The following PARP6 variants were observed in gnomAD, a reference collection of about 807,000 sequenced individuals.
The protein encoded by PARP6 is poly(ADP-ribose) polymerase family member 6.
A neutral mutation model predicts 92.0 loss-of-function variants in PARP6; 27 were observed. The ratio of observed to expected loss-of-function variants is 0.29; its 90% CI spans 0.22 to 0.40. The LOEUF (loss-of-function observed/expected upper bound fraction) is 0.40, where lower values mean the gene tolerates loss of function less well. Among genes scored for constraint, PARP6 ranks in the 10% least tolerant of loss-of-function variants. PARP6 has a pLI of 1.00. For missense variants in PARP6, 501 were observed against 784.5 expected, an observed-to-expected ratio of 0.64 and a Z score of 4.32; for synonymous variants, 272 against 281.2, an observed-to-expected ratio of 0.97 and a Z score of 0.33.
intron 15 of PARP6, 129 bp downstream of exon 15, chr15:72,254,325 AG>A: frequency 1.5e-6 from 1 of 653,884 alleles, no homozygotes; most frequent in South Asian, 1.9e-5. Context: ...AAGGTTAAAG[AG>A]GAAAGACTAA....
chr15:72,248,325 C>CT (rs144456441), intron 20 of PARP6, among the ~76,000 whole-genome samples: 6,154 of 151,130 alleles, frequency 0.041, 216 homozygotes, highest in Admixed American at 0.096. Flanking sequence ...TTTTAGGCCT[C>CT]TGATTCTGGC....
intron 20 of PARP6, chr15:72,243,770 C>A (rs1468443819): frequency 6.6e-6 from 1 of 152,196 alleles, no homozygotes; most frequent in Non-Finnish European, 1.5e-5. Context: ...GACACACGTG[C>A]CTGTGTGTGT....
At chr15:72,261,108 C>G (rs2085826861) in intron 9 of PARP6, among the ~76,000 whole-genome samples, 1 of 152,184 alleles carries the variant, frequency 6.6e-6, no homozygotes, top group Non-Finnish European at 1.5e-5. Flanking sequence ...AACAATGATT[C>G]CTGGGAAGCT....
At chr15:72,257,934 AG>A in intron 12 of PARP6, 102 bp downstream of exon 12, 5 of 827,550 alleles carry the variant, frequency 6.0e-6, no homozygotes, top group Non-Finnish European at 1.1e-5. Context: ...CAGGGTGTAC[AG>A]ACAGAATTTT....
At chr15:72,249,139 C>A in intron 20 of PARP6, 106 bp downstream of exon 20, 1 of 590,400 alleles carries the variant, frequency 1.7e-6, no homozygotes. Flanking sequence ...AGAGAGCTGA[C>A]ACAGACCAAG....
At chr15:72,259,707 G>A (rs754586257) in intron 10 of PARP6, 46 bp from the exon 11 acceptor site, 17 of 1,570,740 alleles carry the variant, frequency 1.1e-5, no homozygotes, top group Non-Finnish European at 1.8e-6. Context: ...CTATGAAGCT[G>A]GGGCCTAGAC....
intron 7 of PARP6, 77 bp downstream of exon 7, chr15:72,265,004 T>C: frequency 2.1e-6 from 2 of 956,158 alleles, no homozygotes; most frequent in South Asian, 2.7e-5. Flanking sequence ...TCCTAATTTT[T>C]TTCTACCTCA....
chr15:72,255,865 C>T (rs983529781), intron 14 of PARP6, among the ~76,000 whole-genome samples: 6 of 131,752 alleles, frequency 4.6e-5, no homozygotes, highest in African/African-American at 1.1e-4. Context: ...AGTACAATCT[C>T]GGCTCACTGC....
At chr15:72,262,830 C>A (rs554232605) in intron 8 of PARP6, among the ~76,000 whole-genome samples, 1 of 152,280 alleles carries the variant, frequency 6.6e-6, no homozygotes, top group Non-Finnish European at 1.5e-5. Flanking sequence ...TCTTCCTCTG[C>A]CTACCCTGCT....
Position 72,264,567 on chromosome 15 carries a change from A to C in PARP6, c.383T>G (p.Leu128Arg), listed in dbSNP as rs1176897271. 6.2e-7 allele frequency: 1 copy of C among 1,613,642 alleles called. No individual in the cohort carries two copies. The highest frequency in any genetic ancestry group is 8.5e-7 in the Non-Finnish European group (1 of 1,179,738). The change falls in exon 8 of 24, where the codon CTT becomes CGT. Residue 128 changes from leucine (L) to arginine (R), a missense_variant. Leu to Arg is a moderately radical substitution (Grantham distance 102). This residue lies in a region of PARP6 where 291 missense variants were observed against 352.0 expected (regional missense o/e 0.83). Coordinates refer to ENST00000569795, the MANE Select transcript of PARP6 (RefSeq NM_001323532.2). ...CCAAAGTTCTTACTTTTTCAACTGAAGACCCAGCCCAAATCCTTCCTTATT... is the reference window on the plus strand; with the variant it reads ...CCAAAGTTCTTACTTTTTCAACTGACGACCCAGCCCAAATCCTTCCTTATT... ...PSNKEGFGLG[L>R]QLKKILGMFT...
In PARP6 at chr15:72,254,491, A is replaced by G. The variant is rs1567194450; in HGVS notation, c.1155T>C (p.Ala385=). 2 of 1,613,682 alleles carry G rather than the reference A, an allele frequency of 1.2e-6. No individual in the cohort carries two copies. The highest frequency in any genetic ancestry group is 1.7e-6 in the Non-Finnish European group (2 of 1,179,552). The change falls in exon 15 of 24, where the codon GCT becomes GCC. Residue 385 remains alanine (A), a synonymous_variant. Coordinates refer to ENST00000569795, the MANE Select transcript of PARP6 (RefSeq NM_001323532.2). Reference sequence around the variant, plus strand: ...CCCGAATAGACATCACACTATCCAGAGCTTTCTGAAGCCGCTCATAATTCT... The same window carrying G: ...CCCGAATAGACATCACACTATCCAGGGCTTTCTGAAGCCGCTCATAATTCT... ...KKKNYERLQK[A]LDSVMSIREM... is the part of the protein sequence containing the mutation.
intron 14 of PARP6, among the ~76,000 whole-genome samples, chr15:72,254,908 G>T (rs933852556): frequency 6.6e-6 from 1 of 152,182 alleles, no homozygotes; most frequent in Non-Finnish European, 1.5e-5. Flanking sequence ...TGGGCCATGA[G>T]GTACCCACTC....
chr15:72,262,315 G>A (rs1245077599), intron 8 of PARP6, among the ~76,000 whole-genome samples: 1 of 151,982 alleles, frequency 6.6e-6, no homozygotes, highest in Non-Finnish European at 1.5e-5. Context: ...TCCTTCTTAA[G>A]CCATCAGGTA....
In PARP6 at chr15:72,261,584, G is replaced by A. The variant is rs748310307; in HGVS notation, c.519C>T (p.Gly173=). The change falls in exon 9 of 24, where the codon GGC becomes GGT. Residue 173 remains glycine, a synonymous_variant. Coordinates refer to ENST00000569795, the MANE Select transcript of PARP6 (RefSeq NM_001323532.2). Reference sequence around the variant, plus strand: ...TGGGGATGGGTGAAAAGATGCTGAGGCCAGCTCGGAACTTCTTGATGGTAC... The same window carrying A: ...TGGGGATGGGTGAAAAGATGCTGAGACCAGCTCGGAACTTCTTGATGGTAC... ...ASGTIKKFRA[G]LSIFSPIPKS... is the part of the protein sequence containing the mutation. 1 of 1,614,140 alleles carries A rather than the reference G, an allele frequency of 6.2e-7. No individual in the cohort carries two copies. The highest frequency in any genetic ancestry group is 1.1e-5 in the South Asian group (1 of 91,084).
In PARP6 at chr15:72,242,184, T is replaced by A; in HGVS notation, c.1678A>T (p.Asn560Tyr). Residue 560 changes from asparagine (N) to tyrosine (Y), a missense_variant, in exon 22 of 24, where the codon AAT (asparagine) becomes TAT (tyrosine). Asn to Tyr is a moderately radical substitution (Grantham distance 143, BLOSUM62 -2). Transcript: ENST00000569795. This position sits in a 1 kb window ranked among gnomAD's most constrained non-coding sequence, Gnocchi z 4.3. ...SIQSRFLQSR[N>Y]LNCIALCEVI... is the part of the protein sequence containing the mutation. The stretch of plus-strand genomic sequence containing the variant: ...TCACAAAGTGCTATACAGTTTAGAT[T>A]CCGACTCTGCAGGAACCGTGACTGA... 1 of 1,614,112 alleles carries A rather than the reference T, an allele frequency of 6.2e-7. No individual in the cohort carries two copies. The highest frequency in any genetic ancestry group is 8.5e-7 in the Non-Finnish European group (1 of 1,179,996).
Position 72,254,398 on chromosome 15 carries a change from A to C in PARP6, c.1191+57T>G, listed in dbSNP as rs2084786181. On this transcript the variant is annotated intron_variant, in intron 15 of 23. Transcript: ENST00000569795. ...TCCCACTCCCACAAATTACCAACAG[A>C]ATAGGACACTTGAACTGGGCAGGCA... is the stretch of plus-strand genomic sequence containing the variant. The C allele has an allele frequency of 3.2e-6, 4 of 1,236,412 alleles. No homozygotes were observed. The East Asian group carries it at 6.9e-5, about 21-fold the overall frequency. 76.6% of individuals were successfully genotyped at this position (1,236,412 alleles called of 1,614,324 possible).
intron 8 of PARP6, among the ~76,000 whole-genome samples, chr15:72,263,832 G>A (rs1364166399): frequency 7.2e-5 from 11 of 151,970 alleles, no homozygotes; most frequent in African/African-American, 2.7e-4. Context: ...GACCAACCTG[G>A]CCAACATGGA....
intron 10 of PARP6, 143 bp from the exon 11 acceptor site, chr15:72,259,804 G>A: frequency 1.4e-6 from 1 of 707,238 alleles, no homozygotes; most frequent in South Asian, 2.0e-5. Context: ...GAGACTTTTA[G>A]ACATTTTTGC....
chr15:72,255,044 C>T (rs1399052577), intron 14 of PARP6, among the ~76,000 whole-genome samples: 1 of 152,126 alleles, frequency 6.6e-6, no homozygotes, highest in Non-Finnish European at 1.5e-5. Context: ...TCCAATCAAT[C>T]GATGACCTAA....
Sources: gnomAD v4.1 joint callset for allele counts (sites outside exome capture counted in the v4.1 genomes callset) on GRCh38, gnomAD v4.1.1 for gene constraint, gnomAD v4.1.1 regional missense constraint, Gnocchi (gnomAD v3.1) non-coding constraint, MANE v1.5 for transcripts, NCBI Gene and HGNC (gene_info 2026-07-23, HGNC 2026-07-21) for gene names.